The following ATP13A4 variants were observed in gnomAD, a reference collection of about 807,000 sequenced individuals.
ATP13A4 encodes the protein probable cation-transporting ATPase 13A4.
A neutral mutation model predicts 142.5 loss-of-function variants in ATP13A4; 114 were observed. The observed-to-expected ratio is 0.80, with a 90% confidence interval of 0.69 to 0.93. The LOEUF is 0.93. Ranked by LOEUF, ATP13A4 falls within the 40% of genes least tolerant of loss-of-function variation. ATP13A4 has a pLI of 0.00. For synonymous variants in ATP13A4, 488 were observed against 514.8 expected, an observed-to-expected ratio of 0.95 and a Z score of 0.70; for missense variants, 1,392 against 1,454.0, an observed-to-expected ratio of 0.96 and a Z score of 0.69.
At chr3:193,419,266 G>C (rs1012043548) in intron 25 of ATP13A4, among the ~76,000 whole-genome samples, 3 of 150,076 alleles carry the variant, frequency 2.0e-5, no homozygotes, top group African/African-American at 7.4e-5. Context: ...CTATGGTAAA[G>C]CTGCTCCATA....
intron 25 of ATP13A4, among the ~76,000 whole-genome samples, chr3:193,426,108 A>G (rs1715646621): frequency 6.6e-6 from 1 of 151,854 alleles, no homozygotes; most frequent in Non-Finnish European, 1.5e-5. Context: ...AAGAGCCTAC[A>G]TACTGAAAAT....
At chr3:193,439,177 G>T (rs62285717) in intron 21 of ATP13A4, 112 bp from the exon 22 acceptor site, 1 of 1,153,584 alleles carries the variant, frequency 8.7e-7, no homozygotes, top group Admixed American at 1.7e-5. Flanking sequence ...ATTATTTAAG[G>T]GAATTTTCCT....
At chr3:193,591,063 T>C (rs1415843527) in intron 1 of ATP13A4, among the ~76,000 whole-genome samples, 1 of 152,274 alleles carries the variant, frequency 6.6e-6, no homozygotes, top group African/African-American at 2.4e-5. Flanking sequence ...ATGTAGCATT[T>C]TTTTGCTTGT....
intron 17 of ATP13A4, among the ~76,000 whole-genome samples, chr3:193,450,180 A>G (rs1717196438): frequency 6.6e-6 from 1 of 151,786 alleles, no homozygotes. Context: ...CTTATATTTC[A>G]CTGTAACTCA....
At chr3:193,418,053 C>T (rs1259709076) in intron 25 of ATP13A4, among the ~76,000 whole-genome samples, 4 of 111,566 alleles carry the variant, frequency 3.6e-5, no homozygotes, top group South Asian at 6.7e-4. Context: ...ACCCGGGAGG[C>T]AGAGCTTGCA....
chr3:193,585,786 G>A (rs977524171), intron 1 of ATP13A4, among the ~76,000 whole-genome samples: 10 of 152,038 alleles, frequency 6.6e-5, no homozygotes, highest in African/African-American at 2.4e-4. Context: ...TGAAAAAGTC[G>A]CTATGAACAT....
At chr3:193,491,579 G>A (rs754260228) in intron 5 of ATP13A4, among the ~76,000 whole-genome samples, 181 bp from the exon 6 acceptor site, 1 of 151,482 alleles carries the variant, frequency 6.6e-6, no homozygotes, top group Non-Finnish European at 1.5e-5. Context: ...GTTCCCAGTT[G>A]CAAAAACGAT....
chr3:193,501,071 C>T (rs1391949606), intron 3 of ATP13A4, among the ~76,000 whole-genome samples: 2 of 152,146 alleles, frequency 1.3e-5, no homozygotes, highest in Non-Finnish European at 2.9e-5. Flanking sequence ...AGACCTCTGC[C>T]CCTCCTACAA....
chr3:193,554,982 C>T, upstream of ATP13A4: 6 of 1,491,114 alleles, frequency 4.0e-6, no homozygotes, highest in Non-Finnish European at 5.4e-6. Context: ...AAACTGAACT[C>T]CTCCCACGAG....
chr3:193,419,332 C>T (rs529914042), intron 25 of ATP13A4, among the ~76,000 whole-genome samples: 1 of 150,358 alleles, frequency 6.7e-6, no homozygotes, highest in African/African-American at 2.4e-5. Flanking sequence ...TGACGCTGTG[C>T]ACTGCCTCCT....
At chr3:193,472,072 G>T (rs528992025) in intron 8 of ATP13A4, among the ~76,000 whole-genome samples, 1 of 152,200 alleles carries the variant, frequency 6.6e-6, no homozygotes, top group Non-Finnish European at 1.5e-5. Flanking sequence ...GGCAGTGGGA[G>T]CATCAGCGGT....
In ATP13A4 at chr3:193,400,661, C is replaced by A. The variant is rs747438557; in HGVS notation, c.*1991G>T. Among the ~76,000 whole-genome samples, 1 of 152,204 alleles carries A rather than the reference C, an allele frequency of 6.6e-6. No homozygotes were observed. Among genetic ancestry groups the A allele is most frequent in the African/African-American group, 2.4e-5 (1 of 41,448 alleles). On this transcript the variant is annotated 3_prime_UTR_variant, in exon 30 of 30. Transcript: ENST00000342695. ...TGCTCTTGCCATTACTGAATCTCAG[C>A]TTTCTCATCTGTATGGTGGAGATGA...
At chr3:193,555,055 G>T, upstream of ATP13A4, 1 of 825,720 alleles carries the variant, frequency 1.2e-6, no homozygotes, top group Non-Finnish European at 1.8e-6. Context: ...CAGAGCAGCT[G>T]TCTCAAAGGA....
intron 5 of ATP13A4, among the ~76,000 whole-genome samples, chr3:193,492,572 A>G (rs1271260813): frequency 6.6e-6 from 1 of 152,156 alleles, no homozygotes; most frequent in African/African-American, 2.4e-5. Context: ...GAAACTTTGT[A>G]TGGAGTAGAA....
chr3:193,411,468 G>A (rs911908186), intron 27 of ATP13A4, among the ~76,000 whole-genome samples: 1 of 152,166 alleles, frequency 6.6e-6, no homozygotes, highest in Non-Finnish European at 1.5e-5. Flanking sequence ...TTATCATATA[G>A]AGGTCAGTAT....
intron 19 of ATP13A4, among the ~76,000 whole-genome samples, chr3:193,441,962 C>T (rs1716669794): frequency 6.6e-6 from 1 of 152,182 alleles, no homozygotes; most frequent in South Asian, 2.1e-4. Context: ...AAGGACACAA[C>T]AGAGATAGAA....
At chr3:193,435,531 G>T in intron 24 of ATP13A4, 117 bp downstream of exon 24, 2 of 847,548 alleles carry the variant, frequency 2.4e-6, no homozygotes, top group South Asian at 1.3e-5. Flanking sequence ...TTTTGGAGGG[G>T]CTGTTGTTGT....
At chr3:193,472,817 T>C (rs1219531936) in intron 8 of ATP13A4, among the ~76,000 whole-genome samples, 1 of 152,124 alleles carries the variant, frequency 6.6e-6, no homozygotes, top group African/African-American at 2.4e-5. Flanking sequence ...CTCCTGTAGA[T>C]AAAATGACGT....
At chr3:193,466,749 CT>C in intron 10 of ATP13A4, among the ~76,000 whole-genome samples, 1 of 151,910 alleles carries the variant, frequency 6.6e-6, no homozygotes, top group Admixed American at 6.6e-5. Flanking sequence ...CATCTCTGCT[CT>C]GCTTGTTTGA....
Sources: allele counts gnomAD v4.1 joint callset (sites outside exome capture counted in the v4.1 genomes callset), GRCh38; gene constraint gnomAD v4.1.1; transcripts MANE v1.5; gene names NCBI Gene and HGNC (gene_info 2026-07-23, HGNC 2026-07-21).